EPN2: variants seen among roughly 807,000 people sequenced by gnomAD.
The protein encoded by EPN2 is epsin 2, also known as epsin-2.
A neutral mutation model predicts 61.7 loss-of-function variants in EPN2; 34 were observed. That is an observed-to-expected ratio of 0.55 (90% CI 0.42 to 0.73). The LOEUF (loss-of-function observed/expected upper bound fraction) is 0.73. Among genes scored for constraint, EPN2 ranks in the 30% least tolerant of loss-of-function variants. The pLI is 0.00. For synonymous variants in EPN2, 349 were observed against 353.6 expected (o/e 0.99, Z 0.15); for missense variants, 714 against 839.2 (o/e 0.85, Z 1.84).
intron 1 of EPN2, among the ~76,000 whole-genome samples, chr17:19,267,953 A>G (rs920404633): frequency 2.0e-5 from 3 of 152,190 alleles, no homozygotes; most frequent in Non-Finnish European, 4.4e-5. Context: ...GATGGCAAAA[A>G]TCTTGAAGGT....
chr17:19,290,700 C>A (rs1165641371), intron 4 of EPN2, among the ~76,000 whole-genome samples: 104 of 40,942 alleles, frequency 2.5e-3, no homozygotes, highest in Admixed American at 3.7e-3. Flanking sequence ...TTCCCGTTCT[C>A]AAAAAAAAAA....
At chr17:19,332,129 G>A in intron 10 of EPN2, 61 bp downstream of exon 10, 1 of 1,284,406 alleles carries the variant, frequency 7.8e-7, no homozygotes, top group East Asian at 2.3e-5. Context: ...GTGTGCAGCA[G>A]GCCTCTTGGG....
chr17:19,333,429 C>G (rs1470888990), intron 10 of EPN2, among the ~76,000 whole-genome samples: 2 of 152,144 alleles, frequency 1.3e-5, no homozygotes, highest in African/African-American at 2.4e-5. Context: ...CACACTTTTG[C>G]AAAGAAAAGG....
At position 19,277,841 on chromosome 17, in the gene EPN2, G is replaced by A. The variant is rs369659630; in HGVS notation, c.-293-4114G>A. On this transcript the variant is annotated intron_variant, in intron 1 of 10. Coordinates refer to ENST00000314728, the MANE Select transcript of EPN2 (RefSeq NM_014964.5). ...TAATCCCAGCACTCTGGGAGGCCAG[G>A]GTGGGCGGATCACGAGGTCAGGAGA... Among the ~76,000 whole-genome samples, 36 of 152,308 alleles carry A rather than the reference G, an allele frequency of 2.4e-4. 1 individual carries two copies. The East Asian group carries it at 2.5e-3, about 11-fold the overall frequency.
At chr17:19,278,193 C>G (rs1342776456) in intron 1 of EPN2, among the ~76,000 whole-genome samples, 1 of 151,858 alleles carries the variant, frequency 6.6e-6, no homozygotes, top group African/African-American at 2.4e-5. Flanking sequence ...CCAGGTTGGT[C>G]TTGAACTCCT....
intron 1 of EPN2, among the ~76,000 whole-genome samples, chr17:19,241,762 C>T (rs1247280874): frequency 6.6e-6 from 1 of 151,880 alleles, no homozygotes; most frequent in East Asian, 1.9e-4. Flanking sequence ...CTGTAATTTC[C>T]ATCAACATTT....
intron 4 of EPN2, among the ~76,000 whole-genome samples, chr17:19,309,455 G>A (rs1469583693): frequency 3.9e-5 from 6 of 152,198 alleles, no homozygotes; most frequent in African/African-American, 1.4e-4. Flanking sequence ...GAATGTTGGT[G>A]TGCCTGGAGT....
chr17:19,244,440 G>C (rs2152199130), intron 1 of EPN2, among the ~76,000 whole-genome samples: 1 of 151,706 alleles, frequency 6.6e-6, no homozygotes, highest in Middle Eastern at 3.4e-3. Context: ...GACTGTGTGA[G>C]GGAGTGTGAC....
rs375615129 is a variant in EPN2 at position 19,283,294 on chromosome 17, A to G, written c.175A>G (p.Met59Val). 1.2e-5 allele frequency: 19 copies of G among 1,614,002 alleles called. No homozygotes were observed. Among genetic ancestry groups the G allele is most frequent in the Non-Finnish European group, 1.5e-5 (18 of 1,180,022 alleles). ...GGTGGCCTTCTCGGAGATCATGAGCATGGTGTGGAAGCGGCTGAATGACCA... is the reference window on the plus strand; with the variant it reads ...GGTGGCCTTCTCGGAGATCATGAGCGTGGTGTGGAAGCGGCTGAATGACCA... ...NVVAFSEIMS[M>V]VWKRLNDHGK... Residue 59 changes from methionine (M) to valine (V), a missense_variant, in exon 3 of 11, where the codon ATG (methionine) becomes GTG (valine). By Grantham distance (21) the Met-to-Val change is conservative. Transcript: ENST00000314728. The surrounding 1 kb of genome is among the most constrained non-coding windows in gnomAD (Gnocchi z 7.0).
At chr17:19,272,431 G>A (rs955288422) in intron 1 of EPN2, among the ~76,000 whole-genome samples, 1 of 152,156 alleles carries the variant, frequency 6.6e-6, no homozygotes, top group African/African-American at 2.4e-5. Flanking sequence ...TGGCTGGGCT[G>A]ATCAGAAGCT....
intron 1 of EPN2, among the ~76,000 whole-genome samples, chr17:19,246,801 C>T (rs1367103487): frequency 1.6e-5 from 2 of 125,626 alleles, no homozygotes; most frequent in Non-Finnish European, 3.1e-5. Flanking sequence ...CGGAGTCTCG[C>T]TCTGTCACCC....
chr17:19,290,437 C>G (rs553336020), intron 4 of EPN2, among the ~76,000 whole-genome samples: 92 of 152,210 alleles, frequency 6.0e-4, no homozygotes, highest in African/African-American at 2.1e-3. Flanking sequence ...AAAAGCATTC[C>G]TGAGTCAAGG....
chr17:19,328,899 A>G lies in EPN2; in HGVS notation c.1324+12A>G, dbSNP rs759868442. 1.3e-6 allele frequency: 2 copies of G among 1,595,628 alleles called. No individual in the cohort carries two copies. The highest frequency in any genetic ancestry group is 1.3e-5 in the African/African-American group (1 of 74,484). ...CGTGTCTGTCTCTGGTGAGCCCCTC[A>G]CTCACCCACTTTCCTGCCTGGCCTC... On this transcript the variant is annotated intron_variant, in intron 8 of 10. Transcript: ENST00000314728.
chr17:19,306,918 C>A (rs536245486), intron 4 of EPN2, among the ~76,000 whole-genome samples: 1 of 152,242 alleles, frequency 6.6e-6, no homozygotes, highest in South Asian at 2.1e-4. Flanking sequence ...CTCAGAGATT[C>A]CTTATCAGGA....
intron 7 of EPN2, among the ~76,000 whole-genome samples, chr17:19,320,892 C>G (rs538110944): frequency 3.3e-5 from 5 of 152,296 alleles, no homozygotes; most frequent in African/African-American, 1.2e-4. Flanking sequence ...CCTGTGGGTC[C>G]CTTGATCCTT....
chr17:19,281,287 A>G (rs969651673), intron 1 of EPN2, among the ~76,000 whole-genome samples: 1 of 152,204 alleles, frequency 6.6e-6, no homozygotes, highest in South Asian at 2.1e-4. Flanking sequence ...GAAGCTGCCT[A>G]GGGACTGCCA....
intron 1 of EPN2, among the ~76,000 whole-genome samples, chr17:19,252,767 G>A (rs988689807): frequency 2.0e-5 from 3 of 152,164 alleles, no homozygotes; most frequent in Admixed American, 1.3e-4. Context: ...TCTGCTCACC[G>A]CAACCTCCGC....
chr17:19,238,808 A>T (rs2044847655), intron 1 of EPN2, among the ~76,000 whole-genome samples: 1 of 152,102 alleles, frequency 6.6e-6, no homozygotes, highest in South Asian at 2.1e-4. Context: ...ATTCCTTTTC[A>T]CCTCCAGAAA....
At chr17:19,315,032 A>G (rs1245023660) in intron 7 of EPN2, among the ~76,000 whole-genome samples, 1 of 152,224 alleles carries the variant, frequency 6.6e-6, no homozygotes, top group Admixed American at 6.5e-5. Flanking sequence ...GGTGGGTTTA[A>G]TAGAGTTAAA....
Sources: gnomAD v4.1 joint callset for allele counts (sites outside exome capture counted in the v4.1 genomes callset) on GRCh38, gnomAD v4.1.1 for gene constraint, Gnocchi (gnomAD v3.1) non-coding constraint, MANE v1.5 for transcripts, NCBI Gene and HGNC (gene_info 2026-07-23, HGNC 2026-07-21) for gene names.